The following VEPH1 variants were observed in gnomAD, a reference collection of about 807,000 sequenced individuals.
VEPH1 encodes ventricular zone-expressed PH domain-containing protein homolog 1.
VEPH1 carries 80 observed loss-of-function variants against 85.2 expected under a neutral mutation model. That is an observed-to-expected ratio of 0.94 (90% CI 0.78 to 1.13). The LOEUF is 1.13. Among genes scored for constraint, VEPH1 ranks in the 50% most tolerant of loss-of-function variants. VEPH1 has a pLI of 0.00. For synonymous variants in VEPH1, 297 were observed against 348.0 expected (o/e 0.85, Z 1.63); for missense variants, 955 against 980.5 (o/e 0.97, Z 0.35).
intron 9 of VEPH1, among the ~76,000 whole-genome samples, chr3:157,340,810 C>A (rs1306621798): frequency 6.6e-6 from 1 of 152,184 alleles, no homozygotes; most frequent in Non-Finnish European, 1.5e-5. Context: ...CGGCCGGGTA[C>A]CCCTCTGAGA....
chr3:157,358,753 T>C (rs1282540774), intron 9 of VEPH1, among the ~76,000 whole-genome samples: 1 of 152,162 alleles, frequency 6.6e-6, no homozygotes, highest in Non-Finnish European at 1.5e-5. Flanking sequence ...AACTTATCAC[T>C]TTGGGAGGCC....
intron 6 of VEPH1, among the ~76,000 whole-genome samples, chr3:157,385,840 C>T (rs765568356): frequency 1.8e-4 from 28 of 152,136 alleles, no homozygotes; most frequent in Non-Finnish European, 3.5e-4. Flanking sequence ...ACTGGTCTGT[C>T]TTGCACTTTG....
chr3:157,265,159 C>T (rs981998838), intron 13 of VEPH1, among the ~76,000 whole-genome samples: 6 of 152,130 alleles, frequency 3.9e-5, no homozygotes, highest in Admixed American at 3.9e-4. Context: ...CTTTTTTGGA[C>T]CCCCATTTCC....
intron 2 of VEPH1, among the ~76,000 whole-genome samples, chr3:157,480,133 G>T (rs1176900454): frequency 7.9e-6 from 1 of 126,364 alleles, no homozygotes; most frequent in Non-Finnish European, 1.7e-5. Flanking sequence ...TGCATTTCCA[G>T]TGTTCTTCAT....
intron 12 of VEPH1, among the ~76,000 whole-genome samples, chr3:157,281,702 T>G (rs570582358): frequency 2.0e-5 from 3 of 152,226 alleles, no homozygotes; most frequent in African/African-American, 7.2e-5. Context: ...CACAGCCAGC[T>G]AATTTTTGTA....
intron 2 of VEPH1, among the ~76,000 whole-genome samples, chr3:157,472,357 G>T (rs1311248270): frequency 6.6e-6 from 1 of 152,102 alleles, no homozygotes; most frequent in Non-Finnish European, 1.5e-5. Flanking sequence ...CTTCTAAATA[G>T]CTAACCTAAT....
intron 4 of VEPH1, among the ~76,000 whole-genome samples, chr3:157,445,144 G>C (rs974325580): frequency 2.0e-5 from 3 of 152,186 alleles, no homozygotes; most frequent in African/African-American, 7.2e-5. Flanking sequence ...TCTTAGACCA[G>C]GAGACCCCAT....
At chr3:157,398,352 T>A (rs1730568434) in intron 6 of VEPH1, among the ~76,000 whole-genome samples, 1 of 152,124 alleles carries the variant, frequency 6.6e-6, no homozygotes, top group Non-Finnish European at 1.5e-5. Flanking sequence ...AAAGGAGTTG[T>A]CGACCAGGAG....
intron 11 of VEPH1, among the ~76,000 whole-genome samples, chr3:157,303,787 A>G (rs1215760495): frequency 1.3e-5 from 2 of 151,626 alleles, no homozygotes; most frequent in African/African-American, 2.4e-5. Flanking sequence ...TTACCTCACC[A>G]TTGCCACTTA....
intron 4 of VEPH1, chr3:157,437,716 A>AGGCT (rs1164987762): frequency 6.5e-7 from 1 of 1,530,372 alleles, no homozygotes; most frequent in Non-Finnish European, 8.7e-7. Context: ...CGCAGAGGCC[A>AGGCT]GGCTGACCAG....
intron 9 of VEPH1, among the ~76,000 whole-genome samples, chr3:157,326,772 T>C (rs926830353): frequency 6.6e-6 from 1 of 152,206 alleles, no homozygotes; most frequent in Non-Finnish European, 1.5e-5. Flanking sequence ...AGATACATTA[T>C]GGTAACACCA....
At chr3:157,435,852 C>T (rs970577861) in intron 4 of VEPH1, among the ~76,000 whole-genome samples, 3 of 152,148 alleles carry the variant, frequency 2.0e-5, no homozygotes, top group African/African-American at 2.4e-5. Context: ...TGCCTCGAAA[C>T]CTTGTAGAAT....
chr3:157,491,837 T>C (rs932899280), intron 2 of VEPH1, among the ~76,000 whole-genome samples: 3 of 152,216 alleles, frequency 2.0e-5, no homozygotes, highest in East Asian at 3.8e-4. Flanking sequence ...CTGAATGCCT[T>C]AGCACATCAC....
At chr3:157,407,175 A>G (rs1731206913) in intron 6 of VEPH1, among the ~76,000 whole-genome samples, 1 of 152,182 alleles carries the variant, frequency 6.6e-6, no homozygotes, top group African/African-American at 2.4e-5. Context: ...AAGTGGAAAC[A>G]AACATTCTAT....
intron 4 of VEPH1, among the ~76,000 whole-genome samples, chr3:157,432,432 T>C (rs986182623): frequency 4.3e-4 from 66 of 152,140 alleles, no homozygotes; most frequent in African/African-American, 1.5e-3. Context: ...AAAGGCATTA[T>C]GGTTTTGCTT....
At chr3:157,303,167 G>A (rs1268591475) in intron 11 of VEPH1, among the ~76,000 whole-genome samples, 3 of 151,834 alleles carry the variant, frequency 2.0e-5, no homozygotes, top group Non-Finnish European at 4.4e-5. Context: ...TTTTGTTTTT[G>A]TTTTTTTGTT....
Position 157,317,141 on chromosome 3 carries a change from C to T in VEPH1, c.1796G>A (p.Cys599Tyr). ...AATAAAACTGGACTTACTGTATAGG[C>T]AGTAATGACCCTTCAGGGAGCAGGT... ...FFTCSLKGHY[C>Y]LYSKSSFILI... Residue 599 changes from cysteine (C) to tyrosine (Y), a missense_variant, in exon 10 of 14, where the codon TGC (cysteine) becomes TAC (tyrosine). Physicochemically the swap from Cys to Tyr is radical, Grantham distance 194. Transcript: ENST00000362010. 1 of 1,613,566 alleles carries T rather than the reference C, an allele frequency of 6.2e-7. No individual in the cohort carries two copies. Among genetic ancestry groups the T allele is most frequent in the Non-Finnish European group, 8.5e-7 (1 of 1,179,714 alleles).
chr3:157,267,854 G>C (rs1713953536), intron 12 of VEPH1, among the ~76,000 whole-genome samples: 1 of 152,150 alleles, frequency 6.6e-6, no homozygotes, highest in African/African-American at 2.4e-5. Flanking sequence ...TATAGAATAG[G>C]GAGTAAGTGA....
chr3:157,392,763 C>T (rs1238304718), intron 6 of VEPH1, among the ~76,000 whole-genome samples: 16 of 152,176 alleles, frequency 1.1e-4, no homozygotes, highest in African/African-American at 3.9e-4. Flanking sequence ...ATTTAAAAGG[C>T]ACAGCATCTT....
Sources: gnomAD v4.1 joint callset for allele counts (sites outside exome capture counted in the v4.1 genomes callset) on GRCh38, gnomAD v4.1.1 for gene constraint, MANE v1.5 for transcripts, NCBI Gene and HGNC (gene_info 2026-07-23, HGNC 2026-07-21) for gene names.